CSMD1: variants seen among roughly 807,000 people sequenced by gnomAD.
The protein encoded by CSMD1 is CUB and sushi domain-containing protein 1.
Under a neutral mutation model 417.5 loss-of-function variants are expected in CSMD1, and 213 were observed. The observed-to-expected ratio is 0.51, with a 90% CI of 0.46 to 0.57. The LOEUF is 0.57. CSMD1 is among the 20% of genes least tolerant of loss of function. The probability of loss-of-function intolerance (pLI) is 0.00; values close to 1 mark genes in which losing one functional copy is unlikely to be tolerated. For missense variants in CSMD1, 6,923 were observed against 4,529.7 expected (o/e 1.53, Z -15.17); for synonymous variants, 2,862 against 1,736.8 (o/e 1.65, Z -16.11).
At chr8:3,573,925 T>C (rs1358665366) in intron 10 of CSMD1, among the ~76,000 whole-genome samples, 2 of 152,132 alleles carry the variant, frequency 1.3e-5, no homozygotes, top group African/African-American at 2.4e-5. Flanking sequence ...CTACCTTATT[T>C]TTTCTTCCTA....
chr8:4,822,413 A>T (rs1799573658), intron 1 of CSMD1, among the ~76,000 whole-genome samples: 1 of 152,098 alleles, frequency 6.6e-6, no homozygotes, highest in Non-Finnish European at 1.5e-5. Context: ...ATTTTTTTAA[A>T]AAGATAATCT....
chr8:3,647,476 T>C (rs554254505), intron 7 of CSMD1, among the ~76,000 whole-genome samples: 7 of 151,638 alleles, frequency 4.6e-5, no homozygotes, highest in African/African-American at 1.7e-4. Context: ...AAATACAGCA[T>C]AAAAAGAAAT....
Position 4,013,095 on chromosome 8 carries a change from C to G in CSMD1, c.611-14985G>C, listed in dbSNP as rs537654456. ...GTAGCCAGAGTAATCCTCTCAAATG[C>G]TGTGTCACACGATGTCGTTTTTCTT... On this transcript the variant is annotated intron_variant, in intron 4 of 69. Transcript: ENST00000635120. Among the ~76,000 whole-genome samples the G allele has an allele frequency of 1.1e-4, 17 of 152,260 alleles. 1 individual carries two copies. Among genetic ancestry groups the G allele is most frequent in the South Asian group, 6.2e-4 (3 of 4,822 alleles).
intron 12 of CSMD1, among the ~76,000 whole-genome samples, chr8:3,417,793 C>A (rs368488864): frequency 6.6e-6 from 1 of 152,210 alleles, no homozygotes; most frequent in East Asian, 1.9e-4. Context: ...CTTCGGAAAA[C>A]AAGATTGCAG....
chr8:3,875,275 CA>C (rs1039164891), intron 5 of CSMD1, among the ~76,000 whole-genome samples: 4 of 152,078 alleles, frequency 2.6e-5, no homozygotes, highest in African/African-American at 7.2e-5. Flanking sequence ...GGATAAAAGG[CA>C]ATATTTACAC....
Position 3,555,997 on chromosome 8 carries a change from A to T in CSMD1, c.1344+18948T>A, listed in dbSNP as rs111861533. ...CAGACTATTAAAACTGGTGATTTCA[A>T]TCCCATTCAAGGACAGAACAAATAG... On this transcript the variant is annotated intron_variant, in intron 10 of 69. Coordinates refer to ENST00000635120, the MANE Select transcript of CSMD1 (RefSeq NM_033225.6). Among the ~76,000 whole-genome samples, 505 of 152,292 alleles carry T rather than the reference A, an allele frequency of 3.3e-3. 2 individuals carry two copies. The highest frequency in any genetic ancestry group is 0.011 in the African/African-American group (470 of 41,554).
At chr8:4,855,118 G>A (rs1801716063) in intron 1 of CSMD1, among the ~76,000 whole-genome samples, 1 of 151,806 alleles carries the variant, frequency 6.6e-6, no homozygotes, top group South Asian at 2.1e-4. Flanking sequence ...TGACCCCCGA[G>A]CAGCCTAACT....
intron 3 of CSMD1, among the ~76,000 whole-genome samples, chr8:4,132,894 T>C (rs967615595): frequency 1.3e-5 from 2 of 152,194 alleles, no homozygotes; most frequent in Non-Finnish European, 2.9e-5. Context: ...AAAGATTATC[T>C]TTTATTAACA....
At chr8:4,600,110 C>T (rs1329463115) in intron 2 of CSMD1, among the ~76,000 whole-genome samples, 3 of 152,138 alleles carry the variant, frequency 2.0e-5, no homozygotes, top group Non-Finnish European at 2.9e-5. Context: ...CAGTCTAGGT[C>T]GGGCTGACGT....
chr8:4,420,023 T>G lies in CSMD1; in HGVS notation c.345A>C (p.Gly115=), dbSNP rs776320927. The G allele has an allele frequency of 6.3e-7, 1 of 1,583,822 alleles. No individual in the cohort carries two copies. The highest frequency in any genetic ancestry group is 1.2e-5 in the South Asian group (1 of 86,384). Residue 115 remains glycine (G), a synonymous_variant, in exon 3 of 70, where the codon GGA becomes GGC. Transcript: ENST00000635120. The part of the protein sequence containing the change: ...FQLPSSIVST[G]SILTLWFTTD... Reference sequence around the variant, plus strand: ...TCGTGAACCACAGAGTGAGGATAGATCCTGTACTCACTATAGAGGAGGGCA... The same window carrying G: ...TCGTGAACCACAGAGTGAGGATAGAGCCTGTACTCACTATAGAGGAGGGCA...
intron 4 of CSMD1, among the ~76,000 whole-genome samples, chr8:4,023,733 C>A (rs533451257): frequency 1.3e-5 from 2 of 149,024 alleles, no homozygotes; most frequent in South Asian, 4.3e-4. Flanking sequence ...ACTACAAGCG[C>A]CCACCGCTAC....
chr8:4,889,973 T>A (rs1428987509), intron 1 of CSMD1, among the ~76,000 whole-genome samples: 1 of 152,156 alleles, frequency 6.6e-6, no homozygotes, highest in Non-Finnish European at 1.5e-5. Context: ...ACATCACAAC[T>A]ATGAAACAGA....
chr8:4,932,590 G>A (rs140164387), intron 1 of CSMD1, among the ~76,000 whole-genome samples: 1 of 152,196 alleles, frequency 6.6e-6, no homozygotes, highest in Non-Finnish European at 1.5e-5. Context: ...GATACTGCAG[G>A]ATTTTGGCAA....
intron 10 of CSMD1, among the ~76,000 whole-genome samples, chr8:3,546,477 G>T (rs1479316720): frequency 1.3e-5 from 2 of 151,678 alleles, no homozygotes; most frequent in South Asian, 4.2e-4. Flanking sequence ...CGGAGCTTGT[G>T]GTGAGTCAAG....
At chr8:3,249,793 C>T (rs1457377261) in intron 26 of CSMD1, among the ~76,000 whole-genome samples, 1 of 152,002 alleles carries the variant, frequency 6.6e-6, no homozygotes. Flanking sequence ...GTCTAAACTT[C>T]ATTAGGGAAA....
intron 3 of CSMD1, among the ~76,000 whole-genome samples, chr8:4,089,907 G>A (rs990570340): frequency 6.6e-6 from 1 of 152,058 alleles, no homozygotes; most frequent in Non-Finnish European, 1.5e-5. Flanking sequence ...GGACCTGATT[G>A]GAATGAACCG....
At chr8:4,372,621 A>T (rs1447217523) in intron 3 of CSMD1, among the ~76,000 whole-genome samples, 1 of 124,632 alleles carries the variant, frequency 8.0e-6, no homozygotes. Context: ...GTCAGAAAGT[A>T]AGGAAGTGTT....
chr8:4,731,231 C>T (rs1207456903), intron 1 of CSMD1, among the ~76,000 whole-genome samples: 2 of 152,144 alleles, frequency 1.3e-5, no homozygotes, highest in African/African-American at 4.8e-5. Context: ...TCCCACTCAG[C>T]CTCCACACAA....
chr8:3,154,882 T>G (rs1212221926), intron 39 of CSMD1, among the ~76,000 whole-genome samples: 1 of 152,146 alleles, frequency 6.6e-6, no homozygotes, highest in Non-Finnish European at 1.5e-5. Flanking sequence ...TATGGACTTC[T>G]CCTCTTACAA....
Sources: allele counts gnomAD v4.1 joint callset (sites outside exome capture counted in the v4.1 genomes callset), GRCh38; gene constraint gnomAD v4.1.1; transcripts MANE v1.5; gene names NCBI Gene and HGNC (gene_info 2026-07-23, HGNC 2026-07-21).